The following CNTN3 variants were observed in gnomAD, a reference collection of about 807,000 sequenced individuals.
The protein encoded by CNTN3 is contactin 3.
CNTN3 carries 60 observed loss-of-function variants against 119.1 expected under a neutral mutation model. The ratio of observed to expected loss-of-function variants is 0.50; its 90% confidence interval spans 0.41 to 0.62. CNTN3 has a LOEUF of 0.62. Ranked by LOEUF, CNTN3 falls within the 20% of genes least tolerant of loss-of-function variation. The pLI, the probability that CNTN3 is intolerant of heterozygous loss-of-function variation, is 0.00. For missense variants in CNTN3, 1,101 were observed against 1,242.4 expected, an observed-to-expected ratio of 0.89 and a Z score of 1.71; for synonymous variants, 450 against 438.7, an observed-to-expected ratio of 1.03 and a Z score of -0.32.
chr3:74,329,050 G>A (rs1703196976), intron 13 of CNTN3, among the ~76,000 whole-genome samples: 1 of 152,152 alleles, frequency 6.6e-6, no homozygotes, highest in African/African-American at 2.4e-5. Flanking sequence ...TGTTTACATA[G>A]TTATAAAGAG....
intron 13 of CNTN3, among the ~76,000 whole-genome samples, chr3:74,323,369 T>C (rs1270155254): frequency 2.0e-5 from 3 of 152,236 alleles, no homozygotes; most frequent in Admixed American, 6.5e-5. Context: ...TGTTTCCATT[T>C]ATATGAAATG....
chr3:74,344,678 C>T (rs1011988813), intron 11 of CNTN3, among the ~76,000 whole-genome samples: 1 of 151,872 alleles, frequency 6.6e-6, no homozygotes, highest in African/African-American at 2.4e-5. Flanking sequence ...CTAGGATGGT[C>T]GCAATTTCCT....
At position 74,437,705 on chromosome 3, in the gene CNTN3, G is replaced by GTA. The variant is rs201179083; in HGVS notation, c.359-12767_359-12766dup. On this transcript the variant is annotated intron_variant, in intron 4 of 22. Transcript: ENST00000263665. ...AGTGTTTATATATGTGTGTGTGTGT[G>GTA]TATATATACATATATATAGCCCTAG... Among the ~76,000 whole-genome samples, 1,033 of 152,068 alleles carry GTA rather than the reference G, an allele frequency of 6.8e-3. 16 individuals are homozygous for GTA. The highest frequency in any genetic ancestry group is 0.024 in the African/African-American group (982 of 41,486).
intron 18 of CNTN3, among the ~76,000 whole-genome samples, chr3:74,295,524 TCTC>T (rs1343413820): frequency 1.3e-5 from 2 of 152,280 alleles, no homozygotes; most frequent in African/African-American, 4.8e-5. Flanking sequence ...TTGCCTGTCT[TCTC>T]CTCACCTTGT....
intron 1 of CNTN3, among the ~76,000 whole-genome samples, chr3:74,567,143 C>CT (rs1199641707): frequency 1.3e-5 from 2 of 149,786 alleles, no homozygotes; most frequent in African/African-American, 2.4e-5. Context: ...GTGGCTTCTT[C>CT]TTTTTTTTAA....
intron 11 of CNTN3, among the ~76,000 whole-genome samples, chr3:74,357,039 T>A (rs1703951596): frequency 6.6e-6 from 1 of 151,942 alleles, no homozygotes; most frequent in African/African-American, 2.4e-5. Flanking sequence ...TTCTCCTGCC[T>A]CAGCCTCCTG....
intron 4 of CNTN3, among the ~76,000 whole-genome samples, chr3:74,463,365 A>G (rs951818653): frequency 6.6e-6 from 1 of 152,150 alleles, no homozygotes; most frequent in African/African-American, 2.4e-5. Context: ...TCTGTTAGTA[A>G]AAGTGAAAGA....
intron 1 of CNTN3, among the ~76,000 whole-genome samples, chr3:74,612,554 G>A (rs1705100332): frequency 6.6e-6 from 1 of 152,190 alleles, no homozygotes; most frequent in Non-Finnish European, 1.5e-5. Context: ...GTCTGTGGCG[G>A]CCACAGCCTG....
chr3:74,580,327 T>C (rs1035013915), intron 1 of CNTN3, among the ~76,000 whole-genome samples: 1 of 152,110 alleles, frequency 6.6e-6, no homozygotes, highest in African/African-American at 2.4e-5. Context: ...ATATCAATCT[T>C]ACAAAATCTC....
At chr3:74,288,159 CTTT>C (rs3084509) in intron 19 of CNTN3, among the ~76,000 whole-genome samples, 8 of 90,364 alleles carry the variant, frequency 8.9e-5, no homozygotes, top group Non-Finnish European at 1.7e-4. Flanking sequence ...CTTTTCTTTT[CTTT>C]TTTTTTTTTT....
At chr3:74,491,472 T>C (rs1702962909) in intron 3 of CNTN3, among the ~76,000 whole-genome samples, 1 of 152,068 alleles carries the variant, frequency 6.6e-6, no homozygotes, top group Non-Finnish European at 1.5e-5. Context: ...TGCACTCCAG[T>C]GTTGGCAACA....
chr3:74,297,982 C>T lies in CNTN3; in HGVS notation c.2376G>A (p.Val792=). 1 of 1,613,586 alleles carries T rather than the reference C, an allele frequency of 6.2e-7. No homozygotes were observed. Among genetic ancestry groups the T allele is most frequent in the South Asian group, 1.1e-5 (1 of 91,034 alleles). ...CTTCTTCTGCAGAGAACACTGTTGTCACTGGGCTAAATGGTCCTTCACCTT... is the reference window on the plus strand; with the variant it reads ...CTTCTTCTGCAGAGAACACTGTTGTTACTGGGCTAAATGGTCCTTCACCTT... ...NNKGEGPFSP[V]TTVFSAEEEP... Residue 792 remains valine (V), a synonymous_variant, in exon 18 of 23, where the codon GTG becomes GTA. Coordinates refer to ENST00000263665, the MANE Select transcript of CNTN3 (RefSeq NM_020872.3).
At chr3:74,376,127 A>C (rs1284356842) in intron 5 of CNTN3, among the ~76,000 whole-genome samples, 1 of 152,178 alleles carries the variant, frequency 6.6e-6, no homozygotes, top group African/African-American at 2.4e-5. Context: ...TCTCCCCTGG[A>C]GCCCCAAGGA....
intron 20 of CNTN3, among the ~76,000 whole-genome samples, chr3:74,276,666 C>T (rs1025678717): frequency 4.6e-5 from 7 of 151,926 alleles, no homozygotes; most frequent in Middle Eastern, 3.4e-3. Context: ...CTCTAAAAAC[C>T]GACATAAAAA....
At chr3:74,376,397 G>C (rs568080281) in intron 5 of CNTN3, among the ~76,000 whole-genome samples, 2 of 152,246 alleles carry the variant, frequency 1.3e-5, no homozygotes, top group Middle Eastern at 3.4e-3. Flanking sequence ...TCTGCCTCCT[G>C]TCAGATCAGC....
chr3:74,265,573 G>A (rs1245963490), intron 22 of CNTN3, among the ~76,000 whole-genome samples: 2 of 152,162 alleles, frequency 1.3e-5, no homozygotes, highest in East Asian at 1.9e-4. Context: ...AGTAGTTCCT[G>A]TTTTCTTAGT....
At chr3:74,287,824 T>C (rs909218215) in intron 19 of CNTN3, among the ~76,000 whole-genome samples, 2 of 152,186 alleles carry the variant, frequency 1.3e-5, no homozygotes, top group Admixed American at 6.5e-5. Context: ...GTATGGAATA[T>C]CTTTGCCTAA....
chr3:74,322,957 A>G (rs1703032612), intron 13 of CNTN3, among the ~76,000 whole-genome samples: 2 of 152,208 alleles, frequency 1.3e-5, no homozygotes, highest in South Asian at 2.1e-4. Context: ...TATTGAGACA[A>G]TAAAAAGATT....
intron 4 of CNTN3, among the ~76,000 whole-genome samples, chr3:74,455,995 T>C (rs1702261476): frequency 1.3e-5 from 2 of 152,098 alleles, no homozygotes; most frequent in South Asian, 2.1e-4. Context: ...CCATAGATTA[T>C]TACACATATG....
Sources: gnomAD v4.1 joint callset for allele counts (sites outside exome capture counted in the v4.1 genomes callset) on GRCh38, gnomAD v4.1.1 for gene constraint, MANE v1.5 for transcripts, NCBI Gene and HGNC (gene_info 2026-07-23, HGNC 2026-07-21) for gene names.